The following SMG6 variants were observed in gnomAD, a reference collection of about 807,000 sequenced individuals.
SMG6 encodes the protein SMG6 nonsense mediated mRNA decay factor.
Under a neutral mutation model 142.2 loss-of-function variants are expected in SMG6, and 66 were observed. The ratio of observed to expected loss-of-function variants is 0.46; its 90% CI spans 0.38 to 0.57. The LOEUF (loss-of-function observed/expected upper bound fraction) is 0.57. SMG6 is among the 20% of genes least tolerant of loss of function. The pLI, the probability that SMG6 is intolerant of heterozygous loss-of-function variation, is 0.00. For missense variants in SMG6, 1,793 were observed against 1,832.0 expected, an observed-to-expected ratio of 0.98 and a Z score of 0.39; for synonymous variants, 779 against 702.4, an observed-to-expected ratio of 1.11 and a Z score of -1.72.
intron 10 of SMG6, among the ~76,000 whole-genome samples, chr17:2,217,901 T>C (rs2073061704): frequency 6.6e-6 from 1 of 151,632 alleles, no homozygotes; most frequent in South Asian, 2.1e-4. Context: ...TCCCAGCTAC[T>C]CGGGAGGGCG....
intron 13 of SMG6, among the ~76,000 whole-genome samples, chr17:2,170,301 G>T (rs765326192): frequency 6.6e-6 from 1 of 152,148 alleles, no homozygotes; most frequent in Non-Finnish European, 1.5e-5. Flanking sequence ...CACATACGTG[G>T]TATCTGACAC....
intron 13 of SMG6, among the ~76,000 whole-genome samples, chr17:2,086,113 T>C (rs1311691678): frequency 6.6e-6 from 1 of 152,124 alleles, no homozygotes; most frequent in Non-Finnish European, 1.5e-5. Context: ...CTTCTGAGGT[T>C]ATCTCTCCTT....
intron 13 of SMG6, among the ~76,000 whole-genome samples, chr17:2,170,747 T>C (rs771769655): frequency 2.0e-5 from 3 of 152,240 alleles, no homozygotes; most frequent in Non-Finnish European, 4.4e-5. Context: ...GATATATCAA[T>C]GTCTAGAACC....
In SMG6 at chr17:2,068,895, C is replaced by T; in HGVS notation, c.3718G>A (p.Glu1240Lys). The change falls in exon 16 of 19, where the codon GAG becomes AAG. Residue 1240 changes from glutamate (E) to lysine (K), a missense_variant. Glu to Lys is a moderately conservative substitution (Grantham distance 56). This residue lies in a region of SMG6 where 1,597 missense variants were observed against 1,584.6 expected (regional missense o/e 1.01). Transcript: ENST00000263073. This position sits in a 1 kb window ranked among gnomAD's most constrained non-coding sequence, Gnocchi z 6.7. The part of the protein sequence containing the change: ...LEDHSQMRQM[E>K]LEIRPLFLVP... ...AGGAACAAAGGTCTGATTTCGAGCT[C>T]CATCTGCCTCATCTGACTGTGGTCC... 7 of 1,614,230 alleles carry T rather than the reference C, an allele frequency of 4.3e-6. No homozygotes were observed. Among genetic ancestry groups the T allele is most frequent in the Non-Finnish European group, 5.9e-6 (7 of 1,180,040 alleles).
intron 10 of SMG6, chr17:2,232,744 A>G (rs1404595369): frequency 6.6e-6 from 1 of 152,166 alleles, no homozygotes; most frequent in African/African-American, 2.4e-5. Context: ...TTTTAAGACC[A>G]CTGCTGAAAC....
intron 13 of SMG6, among the ~76,000 whole-genome samples, chr17:2,172,187 GT>G (rs922290893): frequency 1.3e-5 from 2 of 151,380 alleles, no homozygotes; most frequent in Non-Finnish European, 2.9e-5. Flanking sequence ...ATTCCTACAA[GT>G]TTTTTTTTCT....
At chr17:2,297,729 G>T in intron 3 of SMG6, 134 bp downstream of exon 3, 1 of 911,606 alleles carries the variant, frequency 1.1e-6, no homozygotes, top group South Asian at 1.6e-5. Flanking sequence ...TGTAGGGAAG[G>T]CTCAGAACCC....
chr17:2,268,707 C>T (rs538301521), intron 8 of SMG6, among the ~76,000 whole-genome samples: 52 of 151,998 alleles, frequency 3.4e-4, no homozygotes, highest in Non-Finnish European at 6.2e-4. Context: ...GTAAGGAGAT[C>T]GAGACCATCC....
At chr17:2,210,759 T>TAAAAAAAAAAAAA (rs200480464) in intron 10 of SMG6, among the ~76,000 whole-genome samples, 1 of 123,396 alleles carries the variant, frequency 8.1e-6, no homozygotes, top group Non-Finnish European at 1.7e-5. Context: ...GCAAAAGCTT[T>TAAAAAAAAAAAAA]AAAAAAAAAT....
chr17:2,261,771 T>C (rs1385939286), intron 8 of SMG6, among the ~76,000 whole-genome samples: 1 of 152,196 alleles, frequency 6.6e-6, no homozygotes, highest in Non-Finnish European at 1.5e-5. Context: ...ATGCAACCCA[T>C]AAGATCTCAC....
chr17:2,122,942 G>A (rs1383371450), intron 13 of SMG6, among the ~76,000 whole-genome samples: 2 of 152,236 alleles, frequency 1.3e-5, no homozygotes, highest in South Asian at 2.1e-4. Flanking sequence ...AGGTGGTCCT[G>A]GCTCCTACCA....
At chr17:2,127,766 G>A (rs908438689) in intron 13 of SMG6, 2 of 555,292 alleles carry the variant, frequency 3.6e-6, no homozygotes, top group Admixed American at 1.9e-5. Context: ...ATTTTCTCAC[G>A]TTCTGCTCTG....
intron 10 of SMG6, among the ~76,000 whole-genome samples, chr17:2,196,041 T>C (rs983631514): frequency 2.6e-5 from 4 of 152,106 alleles, no homozygotes; most frequent in Admixed American, 2.0e-4. Flanking sequence ...TCGTTTACAA[T>C]AGTGACAAAG....
chr17:2,154,708 C>T (rs1159530948), intron 13 of SMG6, among the ~76,000 whole-genome samples: 1 of 152,134 alleles, frequency 6.6e-6, no homozygotes, highest in African/African-American at 2.4e-5. Flanking sequence ...AAAATGAATA[C>T]TGAAACTATT....
chr17:2,186,614 C>G (rs762174696), intron 12 of SMG6, 49 bp downstream of exon 12: 2 of 1,600,000 alleles, frequency 1.3e-6, no homozygotes. Context: ...TGTAGGAACA[C>G]GGGCAGGCCC....
chr17:2,222,929 C>T lies in SMG6; in HGVS notation c.2869+13563G>A, dbSNP rs1365039664. On this transcript the variant is annotated intron_variant, in intron 10 of 18. Transcript: ENST00000263073. ...CGAAACATTTTCCTCTGCTCATTGC[C>T]CTGACATGAGTTCTGGGCATCACCC... is the stretch of plus-strand genomic sequence containing the variant. 3.3e-5 allele frequency among the ~76,000 whole-genome samples: 5 copies of T among 152,092 alleles called. No homozygotes were observed. In the East Asian group the frequency reaches 9.6e-4, roughly 29 times the overall value.
intron 13 of SMG6, among the ~76,000 whole-genome samples, chr17:2,116,273 C>A (rs1302301701): frequency 6.6e-6 from 1 of 151,966 alleles, no homozygotes; most frequent in Non-Finnish European, 1.5e-5. Context: ...CAGGCAGGGT[C>A]TTGCTATGTT....
chr17:2,186,460 G>A (rs2307143), intron 12 of SMG6, among the ~76,000 whole-genome samples: 56,286 of 151,850 alleles, frequency 0.37, 11,058 homozygotes, highest in African/African-American at 0.5. Flanking sequence ...GTGAGAGGAG[G>A]GGGAAGAGGC....
rs144505362 is a variant in SMG6 at position 2,280,268 on chromosome 17, T to G, written c.2661+2379A>C. On this transcript the variant is annotated intron_variant, in intron 8 of 18. Coordinates refer to ENST00000263073, the MANE Select transcript of SMG6 (RefSeq NM_017575.5). ...AAGTTATGAAACTGCAGATTTCTTTTTCTTTTTTTTTTGAGACAAAGTCTG... is the reference window on the plus strand; with the variant it reads ...AAGTTATGAAACTGCAGATTTCTTTGTCTTTTTTTTTTGAGACAAAGTCTG... Among the ~76,000 whole-genome samples the G allele has an allele frequency of 7.6e-3, 1,159 of 152,068 alleles. 10 individuals carry two copies. The highest frequency in any genetic ancestry group is 0.013 in the Non-Finnish European group (852 of 67,984).
Sources: gnomAD v4.1 joint callset for allele counts (sites outside exome capture counted in the v4.1 genomes callset) on GRCh38, gnomAD v4.1.1 for gene constraint, gnomAD v4.1.1 regional missense constraint, Gnocchi (gnomAD v3.1) non-coding constraint, MANE v1.5 for transcripts, NCBI Gene and HGNC (gene_info 2026-07-23, HGNC 2026-07-21) for gene names.